CCDC102B: variants seen among roughly 807,000 people sequenced by gnomAD.
CCDC102B encodes the protein coiled-coil domain containing 102B.
CCDC102B carries 75 observed loss-of-function variants against 57.4 expected under a neutral mutation model. That is an observed-to-expected ratio of 1.31 (90% confidence interval 1.08 to 1.58). The LOEUF (loss-of-function observed/expected upper bound fraction) is 1.58, where lower values mean the gene tolerates loss of function less well. Ranked by LOEUF, CCDC102B falls within the 40% of genes most tolerant of loss-of-function variation. The pLI is 0.00. For missense variants in CCDC102B, 636 were observed against 582.6 expected, an observed-to-expected ratio of 1.09 and a Z score of -0.94; for synonymous variants, 206 against 201.9, an observed-to-expected ratio of 1.02 and a Z score of -0.17.
chr18:68,898,960 G>A (rs926378801), intron 6 of CCDC102B, among the ~76,000 whole-genome samples: 2 of 152,070 alleles, frequency 1.3e-5, no homozygotes, highest in East Asian at 1.9e-4. Flanking sequence ...AGGGCACACC[G>A]AGTCCAGACC....
At chr18:68,990,610 A>T (rs2050839587) in intron 6 of CCDC102B, among the ~76,000 whole-genome samples, 1 of 152,126 alleles carries the variant, frequency 6.6e-6, no homozygotes, top group Admixed American at 6.6e-5. Flanking sequence ...GTGCATTGTG[A>T]CTTTTTATTC....
At chr18:68,898,387 T>A (rs1005717667) in intron 6 of CCDC102B, among the ~76,000 whole-genome samples, 1 of 152,068 alleles carries the variant, frequency 6.6e-6, no homozygotes, top group African/African-American at 2.4e-5. Context: ...AAGATTAAAT[T>A]GTATTAGTGT....
At chr18:68,824,126 C>T (rs2036810312) in intron 1 of CCDC102B, among the ~76,000 whole-genome samples, 1 of 152,012 alleles carries the variant, frequency 6.6e-6, no homozygotes, top group African/African-American at 2.4e-5. Flanking sequence ...AAATTATTTG[C>T]CAAGGCTGAT....
intron 6 of CCDC102B, among the ~76,000 whole-genome samples, chr18:68,990,629 A>G (rs1216631952): frequency 6.6e-6 from 1 of 152,114 alleles, no homozygotes; most frequent in East Asian, 1.9e-4. Context: ...TCCCCATTAT[A>G]TTACTCTCAT....
intron 6 of CCDC102B, among the ~76,000 whole-genome samples, chr18:68,979,920 C>A (rs1167518245): frequency 6.6e-6 from 1 of 152,010 alleles, no homozygotes; most frequent in Non-Finnish European, 1.5e-5. Context: ...TCCCAGCACT[C>A]TCCTGAGACT....
intron 4 of CCDC102B, among the ~76,000 whole-genome samples, chr18:68,855,693 G>C (rs1181440468): frequency 6.6e-6 from 1 of 152,042 alleles, no homozygotes; most frequent in Non-Finnish European, 1.5e-5. Context: ...CCTGTTCTGG[G>C]CATTTCATAA....
chr18:68,840,351 G>GT (rs2037575624), intron 3 of CCDC102B, among the ~76,000 whole-genome samples: 1 of 152,046 alleles, frequency 6.6e-6, no homozygotes, highest in South Asian at 2.1e-4. Flanking sequence ...CACAAATACA[G>GT]TAAGTTCTTT....
chr18:69,038,400 A>T (rs1368576372), intron 7 of CCDC102B, among the ~76,000 whole-genome samples: 1 of 152,018 alleles, frequency 6.6e-6, no homozygotes, highest in East Asian at 1.9e-4. Flanking sequence ...TACATAATGA[A>T]TAAAACATGA....
rs138269030 is a variant in CCDC102B, at chr18:68,877,795, A to C, written c.1053+3010A>C. ...TGCCTTAAATCAAACAAACAATTACATTTCTCTTCTGCTAAAATCCCTGGT... is the reference window on the plus strand; with the variant it reads ...TGCCTTAAATCAAACAAACAATTACCTTTCTCTTCTGCTAAAATCCCTGGT... On this transcript the variant is annotated intron_variant, in intron 5 of 7. Coordinates refer to ENST00000360242, the MANE Select transcript of CCDC102B (RefSeq NM_024781.3). Among the ~76,000 whole-genome samples the C allele has an allele frequency of 3.3e-5, 5 of 152,272 alleles. No homozygotes were observed. The South Asian group carries it at 8.3e-4, about 25-fold the overall frequency.
rs141667480 is a variant in CCDC102B at position 68,840,648 on chromosome 18, G to A, written c.827+1722G>A. Among the ~76,000 whole-genome samples the A allele has an allele frequency of 5.9e-5, 9 of 152,192 alleles. No individual in the cohort carries two copies. In the East Asian group the frequency reaches 1.2e-3, roughly 20 times the overall value. On this transcript the variant is annotated intron_variant, in intron 3 of 7. Transcript: ENST00000360242. The stretch of plus-strand genomic sequence containing the variant: ...ACATTTCAGTCACATTCTAATCTCC[G>A]TGGTTTTACTTCTTGAAGCATTTAA...
At chr18:69,005,124 T>C (rs1034502352) in intron 6 of CCDC102B, among the ~76,000 whole-genome samples, 1 of 152,084 alleles carries the variant, frequency 6.6e-6, no homozygotes, top group East Asian at 1.9e-4. Context: ...TTAACTTGAG[T>C]GGTATTGTGA....
intron 6 of CCDC102B, among the ~76,000 whole-genome samples, chr18:68,907,475 T>C (rs1263698856): frequency 1.3e-5 from 2 of 152,342 alleles, no homozygotes; most frequent in East Asian, 1.9e-4. Context: ...ATTTCAGCAA[T>C]GTATTGTAGT....
At position 69,053,978 on chromosome 18, in the gene CCDC102B, T is replaced by C. The variant is rs1217703076; in HGVS notation, c.1435-52T>C. ...ATGTTATTTACTATAGCCACCATGA[T>C]GTACTATAGAACACTTGAACCTAAC... On this transcript the variant is annotated intron_variant, in intron 7 of 7. Transcript: ENST00000360242. 5 of 1,372,350 alleles carry C rather than the reference T, an allele frequency of 3.6e-6. No individual in the cohort carries two copies. The African/African-American group carries it at 7.4e-5, about 20-fold the overall frequency. 85.0% of individuals were successfully genotyped at this position (1,372,350 alleles called of 1,614,324 possible).
intron 6 of CCDC102B, among the ~76,000 whole-genome samples, chr18:68,973,777 A>G (rs1160990447): frequency 1.3e-5 from 2 of 152,040 alleles, no homozygotes; most frequent in Admixed American, 1.3e-4. Context: ...AAACAGTGTA[A>G]TTTTTCACAA....
At chr18:68,869,071 C>G (rs2039126187) in intron 4 of CCDC102B, among the ~76,000 whole-genome samples, 1 of 145,962 alleles carries the variant, frequency 6.9e-6, no homozygotes, top group Non-Finnish European at 1.5e-5. Flanking sequence ...GGCCATTCAC[C>G]AAGAGAACAC....
intron 2 of CCDC102B, among the ~76,000 whole-genome samples, chr18:68,747,997 T>C (rs916021589): frequency 2.0e-5 from 3 of 152,178 alleles, no homozygotes; most frequent in South Asian, 2.1e-4. Context: ...GTTACAAGGG[T>C]TCCATTATCT....
intron 6 of CCDC102B, among the ~76,000 whole-genome samples, chr18:68,961,693 A>G (rs767465918): frequency 1.3e-5 from 2 of 152,030 alleles, no homozygotes; most frequent in Non-Finnish European, 2.9e-5. Context: ...ATACTTCCTA[A>G]TTCTGCAAAT....
rs372574927 is a variant in CCDC102B at position 68,846,354 on chromosome 18, C to T, written c.869C>T (p.Ser290Leu). 39 of 1,579,630 alleles carry T rather than the reference C, an allele frequency of 2.5e-5. No homozygotes were observed. Among genetic ancestry groups the T allele is most frequent in the Non-Finnish European group, 3.0e-5 (35 of 1,165,678 alleles). The change falls in exon 4 of 8, where the codon TCG becomes TTG. Residue 290 changes from serine (S) to leucine (L), a missense_variant. Transcript: ENST00000360242. ...ALEKEIERLE[S>L]ALSLWKWKYE... ...GAAAAAGAAATAGAGAGACTGGAGT[C>T]GGCTTTGTCTCTGTGGAAGTGGAAG...
At chr18:68,988,452 A>C (rs187827320) in intron 6 of CCDC102B, among the ~76,000 whole-genome samples, 11 of 151,844 alleles carry the variant, frequency 7.2e-5, no homozygotes, top group Admixed American at 4.6e-4. Context: ...TATTCTCACT[A>C]CTTCGGTGGT....
Sources: allele counts gnomAD v4.1 joint callset (sites outside exome capture counted in the v4.1 genomes callset), GRCh38; gene constraint gnomAD v4.1.1; transcripts MANE v1.5; gene names NCBI Gene and HGNC (gene_info 2026-07-23, HGNC 2026-07-21).